PALLD: variants seen among roughly 807,000 people sequenced by gnomAD.
The protein encoded by PALLD is palladin.
A neutral mutation model predicts 123.5 loss-of-function variants in PALLD; 61 were observed. The ratio of observed to expected loss-of-function variants is 0.49; its 90% CI spans 0.40 to 0.61. The LOEUF is 0.61. Ranked by LOEUF, PALLD falls within the 20% of genes least tolerant of loss-of-function variation. The probability of loss-of-function intolerance (pLI) is 0.00; values close to 1 mark genes in which losing one functional copy is unlikely to be tolerated. For missense variants in PALLD, 1,273 were observed against 1,377.0 expected, an observed-to-expected ratio of 0.92 and a Z score of 1.20; for synonymous variants, 465 against 496.4, an observed-to-expected ratio of 0.94 and a Z score of 0.84.
At chr4:168,557,965 T>A (rs1767491099) in intron 2 of PALLD, among the ~76,000 whole-genome samples, 1 of 152,086 alleles carries the variant, frequency 6.6e-6, no homozygotes. Context: ...GTAGCTTTGC[T>A]CTCTCTGGTC....
chr4:168,792,856 T>C (rs1737732252), intron 10 of PALLD, among the ~76,000 whole-genome samples: 1 of 150,848 alleles, frequency 6.6e-6, no homozygotes. Context: ...AACCTCTGCC[T>C]CCCGGGTTCA....
At chr4:168,744,195 G>A (rs558422326) in intron 10 of PALLD, among the ~76,000 whole-genome samples, 2 of 111,866 alleles carry the variant, frequency 1.8e-5, no homozygotes, top group South Asian at 3.4e-4. Context: ...CCTCTGGGGT[G>A]AGTGTGGTGT....
In PALLD at chr4:168,795,346, G is replaced by C. The variant is rs933731750; in HGVS notation, c.1964+83423G>C. ...GTGGCAATTTGAAAATGAAATCGAA[G>C]AGTAGAAAAAAGAATAGAAAAATCA... is the stretch of plus-strand genomic sequence containing the variant. On this transcript the variant is annotated intron_variant, in intron 10 of 21. Coordinates refer to ENST00000505667, the MANE Select transcript of PALLD (RefSeq NM_001166108.2). Among the ~76,000 whole-genome samples, 24 of 152,266 alleles carry C rather than the reference G, an allele frequency of 1.6e-4. No homozygotes were observed. In the East Asian group the frequency reaches 4.4e-3, roughly 28 times the overall value.
intron 10 of PALLD, among the ~76,000 whole-genome samples, chr4:168,847,005 G>C (rs1746958271): frequency 6.6e-6 from 1 of 152,216 alleles, no homozygotes; most frequent in Admixed American, 6.5e-5. Flanking sequence ...GTTGAAAGGG[G>C]ACTGGAATTG....
At chr4:168,569,798 A>C (rs527556174) in intron 2 of PALLD, among the ~76,000 whole-genome samples, 1 of 152,290 alleles carries the variant, frequency 6.6e-6, no homozygotes, top group East Asian at 1.9e-4. Context: ...GAAACTTTGT[A>C]TAAATTGACC....
At chr4:168,897,744 T>C (rs542934978) in intron 13 of PALLD, among the ~76,000 whole-genome samples, 3 of 152,206 alleles carry the variant, frequency 2.0e-5, no homozygotes, top group African/African-American at 7.2e-5. Flanking sequence ...TGAGCCACTG[T>C]ACCTGGCCTT....
At chr4:168,897,842 A>G (rs1442060536) in intron 13 of PALLD, 1 of 151,568 alleles carries the variant, frequency 6.6e-6, no homozygotes, top group Admixed American at 6.6e-5. Flanking sequence ...TTAAAGCAAA[A>G]TTTTGGCTAG....
intron 2 of PALLD, among the ~76,000 whole-genome samples, chr4:168,653,793 C>T (rs188277296): frequency 6.6e-6 from 1 of 152,188 alleles, no homozygotes; most frequent in East Asian, 1.9e-4. Flanking sequence ...CTCTGCCTCC[C>T]GGGTTCACGC....
At chr4:168,670,756 CAAAAAAAACAAAAAAAAACA>C (rs1175542933) in intron 3 of PALLD, among the ~76,000 whole-genome samples, 3 of 70,274 alleles carry the variant, frequency 4.3e-5, no homozygotes, top group African/African-American at 2.1e-4. Context: ...ACAAAAAAAA[CAAAAAAAACAAAAAAAAACA>C]AAAAAAAAAA....
At chr4:168,572,596 C>T (rs1378288048) in intron 2 of PALLD, among the ~76,000 whole-genome samples, 1 of 151,980 alleles carries the variant, frequency 6.6e-6, no homozygotes, top group Non-Finnish European at 1.5e-5. Flanking sequence ...TGATATCCCC[C>T]TTCCCAATCT....
chr4:168,553,052 C>A (rs1240610691), intron 2 of PALLD, among the ~76,000 whole-genome samples: 1 of 152,078 alleles, frequency 6.6e-6, no homozygotes, highest in East Asian at 1.9e-4. Context: ...AAACCTATAA[C>A]CCAACAACCC....
chr4:168,665,528 A>G (rs952398149), intron 2 of PALLD, among the ~76,000 whole-genome samples: 1 of 152,146 alleles, frequency 6.6e-6, no homozygotes, highest in African/African-American at 2.4e-5. Context: ...GCGCCACTGC[A>G]CTCCAGCCTG....
chr4:168,839,810 G>A (rs1383583208), intron 10 of PALLD, among the ~76,000 whole-genome samples: 4 of 152,204 alleles, frequency 2.6e-5, no homozygotes, highest in Non-Finnish European at 5.9e-5. Flanking sequence ...ACCACAGATG[G>A]TAATTTAAGC....
intron 2 of PALLD, among the ~76,000 whole-genome samples, chr4:168,629,658 C>G (rs904862087): frequency 4.0e-5 from 6 of 150,608 alleles, no homozygotes; most frequent in African/African-American, 1.5e-4. Context: ...TGGGGTAGAT[C>G]ACCCTCAAAA....
At chr4:168,510,153 C>T (rs1185794518) in intron 1 of PALLD, among the ~76,000 whole-genome samples, 3 of 152,140 alleles carry the variant, frequency 2.0e-5, no homozygotes, top group African/African-American at 7.2e-5. Context: ...TTTTCTAGAT[C>T]GTCCCTCTCA....
chr4:168,687,756 G>C (rs1430557969), intron 6 of PALLD, among the ~76,000 whole-genome samples: 1 of 152,156 alleles, frequency 6.6e-6, no homozygotes, highest in East Asian at 1.9e-4. Context: ...CCGCAACATA[G>C]ACTTTCTATT....
intron 10 of PALLD, among the ~76,000 whole-genome samples, chr4:168,759,189 AAAAAAAAAAAAAAATATATAT>A (rs1464313412): frequency 2.0e-4 from 5 of 24,656 alleles, no homozygotes; most frequent in Non-Finnish European, 4.2e-4. Flanking sequence ...CAAAAAAAAA[AAAAAAAAAAAAAAATATATAT>A]ATATATATAT....
chr4:168,564,700 A>C (rs143709032), intron 2 of PALLD, among the ~76,000 whole-genome samples: 4 of 152,352 alleles, frequency 2.6e-5, no homozygotes, highest in East Asian at 1.9e-4. Context: ...GTACTATTAT[A>C]TATGCACAAA....
At chr4:168,785,240 C>T (rs527668893) in intron 10 of PALLD, among the ~76,000 whole-genome samples, 93 of 152,090 alleles carry the variant, frequency 6.1e-4, no homozygotes, top group African/African-American at 2.1e-3. Flanking sequence ...GAGCACTGTG[C>T]GCTCTCGGAT....
Sources: allele counts gnomAD v4.1 joint callset (sites outside exome capture counted in the v4.1 genomes callset), GRCh38; gene constraint gnomAD v4.1.1; transcripts MANE v1.5; gene names NCBI Gene and HGNC (gene_info 2026-07-23, HGNC 2026-07-21).